The following MINK1 variants were observed in gnomAD, a reference collection of about 807,000 sequenced individuals.
MINK1 encodes the protein misshapen like kinase 1, also known as misshapen-like kinase 1.
In MINK1, 46 loss-of-function variants were observed where a neutral mutation model predicts 178.4. That is an observed-to-expected ratio of 0.26 (90% CI 0.20 to 0.33). MINK1 has a LOEUF of 0.33. Among genes scored for constraint, MINK1 ranks in the 10% least tolerant of loss-of-function variants. The pLI is 1.00. For synonymous variants in MINK1, 797 were observed against 709.7 expected, an observed-to-expected ratio of 1.12 and a Z score of -1.96; for missense variants, 1,366 against 1,814.9, an observed-to-expected ratio of 0.75 and a Z score of 4.49.
chr17:4,894,288 C>T lies in MINK1; in HGVS notation c.2785C>T (p.Pro929Ser). ...PTENSKGQSPPSKDGSGDYQS... is the reference protein window; with the variant it reads ...PTENSKGQSPSSKDGSGDYQS... ...CGAGAACAGCAAAGGCCAAAGCCCA[C>T]CCTCGAAGGATGGGAGTGGTGACGT... The change falls in exon 23 of 32, where the codon CCC becomes TCC. Residue 929 changes from proline (P) to serine (S), a missense_variant. By Grantham distance (74) the Pro-to-Ser change is moderately conservative (BLOSUM62 -1). Coordinates refer to ENST00000355280, the MANE Select transcript of MINK1 (RefSeq NM_153827.5). The surrounding 1 kb of genome is among the most constrained non-coding windows in gnomAD (Gnocchi z 4.1). 6.2e-7 allele frequency: 1 copy of T among 1,612,838 alleles called. No homozygotes were observed. The highest frequency in any genetic ancestry group is 1.3e-5 in the African/African-American group (1 of 74,978).
intron 1 of MINK1, chr17:4,857,215 A>G: frequency 3.2e-6 from 1 of 316,256 alleles, no homozygotes. Context: ...GGGATGATGG[A>G]CTTCATGTGG....
At chr17:4,852,023 A>C (rs370893426) in intron 1 of MINK1, among the ~76,000 whole-genome samples, 80,779 of 133,746 alleles carry the variant, frequency 0.6, 26,415 homozygotes, top group Non-Finnish European at 0.73. Flanking sequence ...AAAAAAAAAA[A>C]AAAACTAAGA....
At chr17:4,841,450 C>T (rs780958441) in intron 1 of MINK1, among the ~76,000 whole-genome samples, 1 of 152,046 alleles carries the variant, frequency 6.6e-6, no homozygotes, top group African/African-American at 2.4e-5. Flanking sequence ...GACTGAGGAT[C>T]GGTAGGGCTG....
chr17:4,859,175 T>G, intron 1 of MINK1: 1 of 985,462 alleles, frequency 1.0e-6, no homozygotes, highest in Non-Finnish European at 1.2e-6. Flanking sequence ...CTGGGCTGTT[T>G]AGTGCTTCTT....
intron 1 of MINK1, among the ~76,000 whole-genome samples, chr17:4,851,873 G>A (rs1453393827): frequency 6.6e-6 from 1 of 151,980 alleles, no homozygotes; most frequent in African/African-American, 2.4e-5. Flanking sequence ...GGTGGCTTGT[G>A]CCTGTAATCC....
intron 1 of MINK1, among the ~76,000 whole-genome samples, chr17:4,839,939 ATGTGTGTG>A (rs34473686): frequency 0.07 from 9,903 of 141,880 alleles, 727 homozygotes; most frequent in African/African-American, 0.2. Context: ...TTATTTATTA[ATGTGTGTG>A]TGTGTGTGTG....
At chr17:4,893,237 C>G (rs761809609) in intron 20 of MINK1, 170 bp downstream of exon 20, 3 of 1,611,370 alleles carry the variant, frequency 1.9e-6, no homozygotes, top group Non-Finnish European at 2.5e-6. Flanking sequence ...CTCCTAACCT[C>G]TCTCCTAACC....
intron 1 of MINK1, among the ~76,000 whole-genome samples, chr17:4,859,594 C>G (rs1345090674): frequency 6.6e-6 from 1 of 151,742 alleles, no homozygotes; most frequent in African/African-American, 2.4e-5. Flanking sequence ...TCGAGACCAG[C>G]CTGGCCAACA....
At chr17:4,873,097 A>C (rs2150955713) in intron 1 of MINK1, among the ~76,000 whole-genome samples, 1 of 150,630 alleles carries the variant, frequency 6.6e-6, no homozygotes, top group Non-Finnish European at 1.5e-5. Flanking sequence ...CGAGGCCATC[A>C]CTCCCCTTAT....
intron 1 of MINK1, among the ~76,000 whole-genome samples, chr17:4,855,769 C>CAAA (rs1226267230): frequency 1.2e-3 from 59 of 50,032 alleles, no homozygotes; most frequent in South Asian, 2.0e-3. Flanking sequence ...GACTCCGTCT[C>CAAA]AAAAAAAAAA....
intron 1 of MINK1, among the ~76,000 whole-genome samples, chr17:4,851,961 C>T (rs188299488): frequency 2.2e-4 from 31 of 143,912 alleles, no homozygotes; most frequent in Middle Eastern, 3.7e-3. Flanking sequence ...GATCACCCCA[C>T]TGCACTCCAG....
chr17:4,861,190 G>A (rs966857724), intron 1 of MINK1, among the ~76,000 whole-genome samples: 3 of 152,210 alleles, frequency 2.0e-5, no homozygotes, highest in Non-Finnish European at 1.5e-5. Flanking sequence ...CTAGTGAGGC[G>A]AGTGCAGTGT....
chr17:4,881,327 G>T, intron 4 of MINK1, 70 bp downstream of exon 4: 1 of 1,464,302 alleles, frequency 6.8e-7, no homozygotes, highest in Non-Finnish European at 9.2e-7. Flanking sequence ...CTAGGACTCA[G>T]TATCAGTGCC....
chr17:4,878,102 G>C (rs1967355957), intron 1 of MINK1, among the ~76,000 whole-genome samples: 2 of 152,086 alleles, frequency 1.3e-5, no homozygotes, highest in African/African-American at 4.8e-5. Flanking sequence ...GAGCCACCGT[G>C]CCCGGCCACT....
chr17:4,858,689 C>T (rs1052775542), intron 1 of MINK1, among the ~76,000 whole-genome samples: 5 of 152,018 alleles, frequency 3.3e-5, no homozygotes, highest in African/African-American at 1.2e-4. Context: ...GTTGGCCAGA[C>T]TTGGTTCCCT....
rs748969957 is a variant in MINK1 at position 4,894,062 on chromosome 17, C to G, written c.2639C>G (p.Pro880Arg). ...GAGGAGATCACCGGGACCCAGCCCC[C>G]ATACGGGGGCGGCACCATGGTGGTC... Reference protein sequence around the residue: ...DVEEITGTQPPYGGGTMVVQR... With the variant: ...DVEEITGTQPRYGGGTMVVQR... The change falls in exon 22 of 32, where the codon CCA (proline) becomes CGA (arginine). Residue 880 changes from proline (P) to arginine (R), a missense_variant. Around this residue, in one of 14 missense-constraint regions of MINK1, gnomAD observed 709 missense variants for 692.3 expected, o/e 1.02. Coordinates refer to ENST00000355280, the MANE Select transcript of MINK1 (RefSeq NM_153827.5). This position sits in a 1 kb window ranked among gnomAD's most constrained non-coding sequence, Gnocchi z 4.1. The G allele has an allele frequency of 1.3e-6, 2 of 1,588,396 alleles. No homozygotes were observed. Among genetic ancestry groups the G allele is most frequent in the South Asian group, 1.1e-5 (1 of 88,792 alleles).
chr17:4,867,680 G>A (rs994343072), intron 1 of MINK1, among the ~76,000 whole-genome samples: 4 of 151,724 alleles, frequency 2.6e-5, no homozygotes, highest in Non-Finnish European at 4.4e-5. Flanking sequence ...ACAGCTACTT[G>A]GGAGGCTGGT....
At position 4,886,653 on chromosome 17, in the gene MINK1, G is replaced by A; in HGVS notation, c.949+27G>A. On this transcript the variant is annotated intron_variant, in intron 10 of 31. Transcript: ENST00000355280. The surrounding 1 kb of genome is among the most constrained non-coding windows in gnomAD (Gnocchi z 6.1). ...TCAGTGGGCAGGCTGGAGGGGGCAG[G>A]TACTAGGGGACACTCCAGCCTGGCT... The A allele has an allele frequency of 6.5e-7, 1 of 1,545,766 alleles. No individual in the cohort carries two copies.
chr17:4,862,464 G>A (rs1431249623), intron 1 of MINK1, among the ~76,000 whole-genome samples: 1 of 152,128 alleles, frequency 6.6e-6, no homozygotes, highest in Non-Finnish European at 1.5e-5. Context: ...AGACCAGCCA[G>A]GCCAACATGG....
Sources: allele counts gnomAD v4.1 joint callset (sites outside exome capture counted in the v4.1 genomes callset), GRCh38; gene constraint gnomAD v4.1.1; regional missense constraint gnomAD v4.1.1; non-coding constraint Gnocchi (gnomAD v3.1); transcripts MANE v1.5; gene names NCBI Gene and HGNC (gene_info 2026-07-23, HGNC 2026-07-21).